The following TMEM39A variants were observed in gnomAD, a reference collection of about 807,000 sequenced individuals.
TMEM39A encodes the protein transmembrane protein 39A.
In TMEM39A, 19 loss-of-function variants were observed where a neutral mutation model predicts 51.9. That is an observed-to-expected ratio of 0.37 (90% CI 0.26 to 0.54). TMEM39A has a LOEUF of 0.54. Ranked by LOEUF, TMEM39A falls within the 20% of genes least tolerant of loss-of-function variation. The pLI, the probability that TMEM39A is intolerant of heterozygous loss-of-function variation, is 0.88. For synonymous variants in TMEM39A, 197 were observed against 220.2 expected (o/e 0.89, Z 0.93); for missense variants, 433 against 590.5 (o/e 0.73, Z 2.76).
At chr3:119,449,465 T>G (rs987419054) in intron 4 of TMEM39A, among the ~76,000 whole-genome samples, 1 of 151,820 alleles carries the variant, frequency 6.6e-6, no homozygotes, top group Non-Finnish European at 1.5e-5. Flanking sequence ...TCCCAGCTAC[T>G]TGGGAGGCCG....
At chr3:119,437,504 C>T (rs2080985518) in intron 6 of TMEM39A, among the ~76,000 whole-genome samples, 1 of 149,996 alleles carries the variant, frequency 6.7e-6, no homozygotes, top group East Asian at 1.9e-4. Flanking sequence ...TTTGATTCTC[C>T]CCAGAAACTA....
At chr3:119,453,716 A>C (rs1370619250) in intron 3 of TMEM39A, among the ~76,000 whole-genome samples, 1 of 152,180 alleles carries the variant, frequency 6.6e-6, no homozygotes, top group African/African-American at 2.4e-5. Flanking sequence ...TGCCATGCTG[A>C]TGTTATATCA....
chr3:119,436,184 AG>A (rs1221485797), intron 7 of TMEM39A, among the ~76,000 whole-genome samples: 1 of 152,218 alleles, frequency 6.6e-6, no homozygotes, highest in Non-Finnish European at 1.5e-5. Context: ...AGCCATGTGG[AG>A]TAATGACTGA....
In TMEM39A at chr3:119,429,094, T is replaced by C. The variant is rs2080868600; in HGVS notation, c.*2887A>G. Among the ~76,000 whole-genome samples, 1 of 152,086 alleles carries C rather than the reference T, an allele frequency of 6.6e-6. No individual in the cohort carries two copies. The highest frequency in any genetic ancestry group is 1.5e-5 in the Non-Finnish European group (1 of 67,986). On this transcript the variant is annotated 3_prime_UTR_variant, in exon 9 of 9. Transcript: ENST00000319172. ...ACTGGTTTACTTGTCTGTCTTCTAT[T>C]AGTTAATGAACTCGAACATCACTAT...
At chr3:119,459,862 A>G (rs1036602788) in intron 2 of TMEM39A, among the ~76,000 whole-genome samples, 2 of 152,108 alleles carry the variant, frequency 1.3e-5, no homozygotes, top group African/African-American at 4.8e-5. Flanking sequence ...TTTCCCTCCA[A>G]TACTCTATAG....
rs1199389404 is a variant in TMEM39A, at chr3:119,434,796, G to A, written c.1199C>T (p.Ala400Val). 6.2e-7 allele frequency: 1 copy of A among 1,613,794 alleles called. No individual in the cohort carries two copies. The highest frequency in any genetic ancestry group is 8.5e-7 in the Non-Finnish European group (1 of 1,179,726). ...LYRAMGPYNV[A>V]VPSDVSHARF... ...GGCATGAGATACATCTGAAGGCACT[G>A]CCACGTTGTAAGGCCCCATGGCTCT... Residue 400 changes from alanine (A) to valine (V), a missense_variant, in exon 8 of 9, where the codon GCA becomes GTA. Coordinates refer to ENST00000319172, the MANE Select transcript of TMEM39A (RefSeq NM_018266.3).
At position 119,430,560 on chromosome 3, in the gene TMEM39A, T is replaced by A. The variant is rs1445682094; in HGVS notation, c.*1421A>T. Reference sequence around the variant, plus strand: ...TATAGTGCCTACTGGTTAATATATATTTGTTGAATGGTTGAACAGACTCAG... The same window carrying A: ...TATAGTGCCTACTGGTTAATATATAATTGTTGAATGGTTGAACAGACTCAG... On this transcript the variant is annotated 3_prime_UTR_variant, in exon 9 of 9. Coordinates refer to ENST00000319172, the MANE Select transcript of TMEM39A (RefSeq NM_018266.3). 1 of 152,100 alleles carries A rather than the reference T, an allele frequency of 6.6e-6. No individual in the cohort carries two copies. The highest frequency in any genetic ancestry group is 1.5e-5 in the Non-Finnish European group (1 of 68,002). The allele number at this position is 152,100 out of a possible 1,614,324, so 9.4% of individuals were successfully genotyped here.
Position 119,438,098 on chromosome 3 carries a change from C to G in TMEM39A, c.581G>C (p.Gly194Ala). The part of the protein sequence containing the change: ...LNLLFLGYPF[G>A]VYVPLCCFHQ... Reference sequence around the variant, plus strand: ...AAAACAGCAAAGAGGAACATAAACACCAAACCTGTAAAACAAAGTGTGAAA... The same window carrying G: ...AAAACAGCAAAGAGGAACATAAACAGCAAACCTGTAAAACAAAGTGTGAAA... The change falls in exon 6 of 9, where the codon GGT becomes GCT. Residue 194 changes from glycine to alanine, a missense_variant. Transcript: ENST00000319172. 3.2e-6 allele frequency: 5 copies of G among 1,581,912 alleles called. No homozygotes were observed. Among genetic ancestry groups the G allele is most frequent in the Non-Finnish European group, 4.3e-6 (5 of 1,155,550 alleles).
At chr3:119,440,959 A>C (rs1402718121) in intron 5 of TMEM39A, among the ~76,000 whole-genome samples, 1 of 152,104 alleles carries the variant, frequency 6.6e-6, no homozygotes, top group Non-Finnish European at 1.5e-5. Context: ...AAACTTTTTC[A>C]TTACTATTAC....
intron 3 of TMEM39A, among the ~76,000 whole-genome samples, chr3:119,454,009 C>A (rs971345243): frequency 2.6e-5 from 4 of 152,050 alleles, no homozygotes; most frequent in African/African-American, 9.7e-5. Context: ...AGCTGAATGA[C>A]AAAAAGGCAC....
intron 3 of TMEM39A, 64 bp from the exon 4 acceptor site, chr3:119,452,594 C>T: frequency 1.5e-6 from 2 of 1,302,724 alleles, no homozygotes; most frequent in South Asian, 2.5e-5. Flanking sequence ...GGCACTACTA[C>T]AAGAATAGAG....
At chr3:119,433,451 G>A (rs1452254510) in intron 8 of TMEM39A, among the ~76,000 whole-genome samples, 1 of 152,096 alleles carries the variant, frequency 6.6e-6, no homozygotes, top group Non-Finnish European at 1.5e-5. Context: ...ACTTGGAGAA[G>A]CACTGATTTA....
At chr3:119,437,523 T>TAAA (rs543556839) in intron 6 of TMEM39A, among the ~76,000 whole-genome samples, 17 of 96,614 alleles carry the variant, frequency 1.8e-4, no homozygotes, top group African/African-American at 5.6e-4. Context: ...TAAAAATACT[T>TAAA]AAAAAAAAAA....
chr3:119,435,754 C>G, intron 7 of TMEM39A: 2 of 1,059,628 alleles, frequency 1.9e-6, no homozygotes, highest in Non-Finnish European at 2.3e-6. Flanking sequence ...CTCACACTTA[C>G]CAGCATTAAA....
intron 4 of TMEM39A, among the ~76,000 whole-genome samples, chr3:119,449,455 T>G (rs1342719926): frequency 6.6e-6 from 1 of 151,868 alleles, no homozygotes; most frequent in Non-Finnish European, 1.5e-5. Context: ...GCGCCTGTAA[T>G]CCCAGCTACT....
At position 119,429,779 on chromosome 3, in the gene TMEM39A, T is replaced by C. The variant is rs2080876655; in HGVS notation, c.*2202A>G. 6.6e-6 allele frequency: 1 copy of C among 152,126 alleles called. No individual in the cohort carries two copies. The highest frequency in any genetic ancestry group is 2.1e-4 in the South Asian group (1 of 4,830). 9.4% of individuals were successfully genotyped at this position (152,126 alleles called of 1,614,324 possible). ...AACTTTGCAATTCCATTAGCCAAAA[T>C]TAATTTTTATTTATTTCTTATATCC... On this transcript the variant is annotated 3_prime_UTR_variant, in exon 9 of 9. Transcript: ENST00000319172.
In TMEM39A at chr3:119,429,117, T is replaced by C. The variant is rs1164014968; in HGVS notation, c.*2864A>G. ...ATTAGTTAATGAACTCGAACATCAC[T>C]ATCTCCGGCACCCAGCAGTGTTTGG... is the stretch of plus-strand genomic sequence containing the variant. On this transcript the variant is annotated 3_prime_UTR_variant, in exon 9 of 9. Transcript: ENST00000319172. Among the ~76,000 whole-genome samples the C allele has an allele frequency of 1.3e-5, 2 of 152,040 alleles. No homozygotes were observed. The highest frequency in any genetic ancestry group is 1.5e-5 in the Non-Finnish European group (1 of 67,980).
At chr3:119,439,175 T>C (rs921609252) in intron 5 of TMEM39A, among the ~76,000 whole-genome samples, 6 of 152,364 alleles carry the variant, frequency 3.9e-5, no homozygotes, top group South Asian at 2.1e-4. Context: ...TCCTTAAAAT[T>C]TGTTTAAATA....
intron 5 of TMEM39A, 57 bp downstream of exon 5, chr3:119,446,961 G>T (rs575333632): frequency 6.5e-7 from 1 of 1,544,884 alleles, no homozygotes; most frequent in Admixed American, 1.9e-5. Context: ...TATCGTTTAC[G>T]TGACCGAAAT....
Sources: allele counts gnomAD v4.1 joint callset (sites outside exome capture counted in the v4.1 genomes callset), GRCh38; gene constraint gnomAD v4.1.1; transcripts MANE v1.5; gene names NCBI Gene and HGNC (gene_info 2026-07-23, HGNC 2026-07-21).